Variants in DTD1 observed in about 807,000 individuals in gnomAD.
DTD1 encodes the protein D-tyrosyl-tRNA deacylase 1 homolog.
In DTD1, 13 loss-of-function variants were observed where a neutral mutation model predicts 25.6. That is an observed-to-expected ratio of 0.51 (90% CI 0.33 to 0.81). The LOEUF (loss-of-function observed/expected upper bound fraction) is 0.81. Among genes scored for constraint, DTD1 ranks in the 30% least tolerant of loss-of-function variants. The pLI, the probability that DTD1 is intolerant of heterozygous loss-of-function variation, is 0.02. For synonymous variants in DTD1, 110 were observed against 103.6 expected (o/e 1.06, Z -0.37); for missense variants, 193 against 266.4 (o/e 0.72, Z 1.92).
intron 4 of DTD1, among the ~76,000 whole-genome samples, chr20:18,725,180 T>C (rs990687931): frequency 3.9e-5 from 6 of 151,948 alleles, no homozygotes; most frequent in African/African-American, 1.2e-4. Flanking sequence ...GATTAAGGGG[T>C]GGTTTATGCA....
At chr20:18,644,929 T>C (rs563560722) in intron 4 of DTD1, among the ~76,000 whole-genome samples, 1 of 152,282 alleles carries the variant, frequency 6.6e-6, no homozygotes, top group South Asian at 2.1e-4. Flanking sequence ...GAATATCGCA[T>C]GAGCCCAGGA....
At chr20:18,589,544 A>C (rs980963611) in intron 1 of DTD1, among the ~76,000 whole-genome samples, 1 of 152,196 alleles carries the variant, frequency 6.6e-6, no homozygotes, top group Non-Finnish European at 1.5e-5. Context: ...ATAATAGGGA[A>C]TAGAGTAGCA....
intron 3 of DTD1, among the ~76,000 whole-genome samples, chr20:18,618,313 C>G (rs531773749): frequency 6.6e-6 from 1 of 151,940 alleles, no homozygotes; most frequent in Non-Finnish European, 1.5e-5. Context: ...TTCCTTTTCT[C>G]TTAACTGTTT....
rs1393886641 is a variant in DTD1 at position 18,742,244 on chromosome 20, G to A, written c.478-1856G>A. On this transcript the variant is annotated intron_variant, in intron 4 of 5. Coordinates refer to ENST00000377452, the MANE Select transcript of DTD1 (RefSeq NM_080820.6). Reference sequence around the variant, plus strand: ...AAATTTATCCAGGGGAGTTTTCGGAGGAGAGTTGCTGAGTCAAAGGTGAAG... The same window carrying A: ...AAATTTATCCAGGGGAGTTTTCGGAAGAGAGTTGCTGAGTCAAAGGTGAAG... Among the ~76,000 whole-genome samples the A allele has an allele frequency of 2.6e-5, 4 of 152,290 alleles. No individual in the cohort carries two copies. The East Asian group carries it at 7.7e-4, about 29-fold the overall frequency.
chr20:18,614,902 C>T (rs980926669), intron 3 of DTD1, among the ~76,000 whole-genome samples: 2 of 151,902 alleles, frequency 1.3e-5, no homozygotes, highest in African/African-American at 4.8e-5. Flanking sequence ...AAAACGGCCG[C>T]AGTGTACCCT....
chr20:18,706,044 T>C (rs2061125254), intron 4 of DTD1, among the ~76,000 whole-genome samples: 1 of 152,190 alleles, frequency 6.6e-6, no homozygotes, highest in African/African-American at 2.4e-5. Context: ...CAGATTTGGA[T>C]AAAGAGGATA....
intron 4 of DTD1, chr20:18,643,125 G>A (rs139621033): frequency 6.0e-6 from 1 of 166,596 alleles, no homozygotes; most frequent in Non-Finnish European, 1.3e-5. Context: ...ATGTTGGTCA[G>A]GCTGGTTTCG....
chr20:18,683,747 GA>G (rs1300419842), intron 4 of DTD1, among the ~76,000 whole-genome samples: 2 of 152,214 alleles, frequency 1.3e-5, no homozygotes, highest in Non-Finnish European at 2.9e-5. Flanking sequence ...TTATGGTTAG[GA>G]ACTAGCAGTA....
At chr20:18,672,749 T>C (rs1016344794) in intron 4 of DTD1, among the ~76,000 whole-genome samples, 4 of 152,236 alleles carry the variant, frequency 2.6e-5, no homozygotes, top group African/African-American at 9.6e-5. Flanking sequence ...AGCAGATACC[T>C]AACAAGTCAA....
intron 3 of DTD1, among the ~76,000 whole-genome samples, chr20:18,624,014 T>G (rs2060747343): frequency 6.6e-6 from 1 of 151,972 alleles, no homozygotes; most frequent in African/African-American, 2.4e-5. Flanking sequence ...GAGCAGAGGC[T>G]CACTCTGGCC....
intron 4 of DTD1, among the ~76,000 whole-genome samples, chr20:18,708,769 T>C (rs909305056): frequency 4.6e-5 from 7 of 152,166 alleles, no homozygotes; most frequent in Non-Finnish European, 2.9e-5. Flanking sequence ...TGAGCAGCAC[T>C]GGCTTAGAGG....
intron 4 of DTD1, among the ~76,000 whole-genome samples, chr20:18,739,930 A>G (rs1350906649): frequency 7.3e-6 from 1 of 136,114 alleles, no homozygotes; most frequent in Non-Finnish European, 1.7e-5. Context: ...TAAATACTGT[A>G]AGAGAGTCAG....
intron 4 of DTD1, among the ~76,000 whole-genome samples, chr20:18,734,072 A>G (rs546788108): frequency 3.3e-5 from 5 of 152,344 alleles, no homozygotes; most frequent in African/African-American, 7.2e-5. Context: ...ATAAATTCCA[A>G]TTGTGTTTTA....
intron 4 of DTD1, among the ~76,000 whole-genome samples, chr20:18,693,159 C>A (rs894258343): frequency 2.6e-5 from 4 of 152,156 alleles, no homozygotes; most frequent in African/African-American, 7.2e-5. Context: ...TCCCAAAATG[C>A]TGGGATTACA....
intron 5 of DTD1, among the ~76,000 whole-genome samples, chr20:18,759,783 C>G (rs2061354047): frequency 6.6e-6 from 1 of 152,140 alleles, no homozygotes; most frequent in African/African-American, 2.4e-5. Flanking sequence ...TGTTGGCCTG[C>G]CTTGCTAGAT....
intron 5 of DTD1, among the ~76,000 whole-genome samples, chr20:18,747,145 G>A (rs1330796102): frequency 1.3e-5 from 2 of 152,242 alleles, no homozygotes; most frequent in Non-Finnish European, 2.9e-5. Flanking sequence ...AATGTGCTAA[G>A]TGAAGACAGG....
intron 4 of DTD1, among the ~76,000 whole-genome samples, chr20:18,723,357 T>G (rs2061212181): frequency 6.6e-6 from 1 of 152,208 alleles, no homozygotes; most frequent in African/African-American, 2.4e-5. Context: ...GCTATTATTG[T>G]CCCTGCTACT....
intron 4 of DTD1, chr20:18,631,748 T>C (rs758157927): frequency 1.6e-5 from 16 of 985,324 alleles, no homozygotes; most frequent in Non-Finnish European, 1.4e-5. Context: ...CTCCCTCTGG[T>C]TTTATTTGAT....
intron 4 of DTD1, among the ~76,000 whole-genome samples, chr20:18,708,220 T>A (rs1313581227): frequency 1.2e-3 from 2 of 1,724 alleles, no homozygotes; most frequent in Non-Finnish European, 1.7e-3. Context: ...ATATATATAA[T>A]ATATATATAT....
Sources: allele counts gnomAD v4.1 joint callset (sites outside exome capture counted in the v4.1 genomes callset), GRCh38; gene constraint gnomAD v4.1.1; transcripts MANE v1.5; gene names NCBI Gene and HGNC (gene_info 2026-07-23, HGNC 2026-07-21).